The following NLGN1 variants were observed in gnomAD, a reference collection of about 807,000 sequenced individuals.
NLGN1 encodes neuroligin 1.
In NLGN1, 12 loss-of-function variants were observed where a neutral mutation model predicts 65.5. The ratio of observed to expected loss-of-function variants is 0.18; its 90% CI spans 0.12 to 0.30. NLGN1 has a LOEUF of 0.30. Among genes scored for constraint, NLGN1 ranks in the 10% least tolerant of loss-of-function variants. The pLI is 1.00. For synonymous variants in NLGN1, 350 were observed against 359.5 expected (o/e 0.97, Z 0.30); for missense variants, 750 against 1,007.1 (o/e 0.74, Z 3.46).
intron 4 of NLGN1, among the ~76,000 whole-genome samples, chr3:174,266,264 T>C (rs1423972592): frequency 6.6e-6 from 1 of 152,088 alleles, no homozygotes; most frequent in Non-Finnish European, 1.5e-5. Flanking sequence ...TGTGTCCATG[T>C]GTATTCAATA....
At chr3:174,265,281 C>T (rs4337647) in intron 4 of NLGN1, among the ~76,000 whole-genome samples, 7 of 150,768 alleles carry the variant, frequency 4.6e-5, no homozygotes, top group Admixed American at 6.6e-5. Context: ...CCCCCAGCCT[C>T]GCTGCCGCCT....
chr3:173,447,310 A>T (rs1185256635), intron 2 of NLGN1, among the ~76,000 whole-genome samples: 1 of 152,192 alleles, frequency 6.6e-6, no homozygotes, highest in Non-Finnish European at 1.5e-5. Context: ...AGCACCATTT[A>T]TTAAATAGGG....
chr3:173,501,343 T>C (rs1455938815), intron 2 of NLGN1, among the ~76,000 whole-genome samples: 1 of 152,088 alleles, frequency 6.6e-6, no homozygotes, highest in Non-Finnish European at 1.5e-5. Flanking sequence ...CTTACAAGTG[T>C]ATCTCAGAGT....
chr3:173,920,049 G>A (rs1013338609), intron 4 of NLGN1, among the ~76,000 whole-genome samples: 1 of 151,948 alleles, frequency 6.6e-6, no homozygotes, highest in East Asian at 1.9e-4. Context: ...GGTTGAGAGA[G>A]ACATTGAGAA....
At chr3:173,593,258 C>G (rs1260269203) in intron 2 of NLGN1, among the ~76,000 whole-genome samples, 1 of 152,056 alleles carries the variant, frequency 6.6e-6, no homozygotes, top group Non-Finnish European at 1.5e-5. Context: ...GGTACATGTG[C>G]AGATTTGTTA....
At chr3:174,019,278 G>A (rs1344582607) in intron 4 of NLGN1, among the ~76,000 whole-genome samples, 3 of 152,084 alleles carry the variant, frequency 2.0e-5, no homozygotes, top group South Asian at 4.1e-4. Context: ...TGGAGATGGG[G>A]CCTTTAAGAA....
At chr3:173,751,823 T>C (rs996308643) in intron 3 of NLGN1, among the ~76,000 whole-genome samples, 2 of 152,122 alleles carry the variant, frequency 1.3e-5, no homozygotes, top group African/African-American at 4.8e-5. Context: ...CTTATGCTAT[T>C]CCCACAATCA....
chr3:174,016,291 A>G (rs1030747412), intron 4 of NLGN1, among the ~76,000 whole-genome samples: 1 of 152,200 alleles, frequency 6.6e-6, no homozygotes, highest in African/African-American at 2.4e-5. Context: ...TCTAAAGCAA[A>G]AGAGACTGGA....
At chr3:173,680,531 G>T (rs1336035369) in intron 3 of NLGN1, among the ~76,000 whole-genome samples, 3 of 152,088 alleles carry the variant, frequency 2.0e-5, no homozygotes, top group Non-Finnish European at 4.4e-5. Context: ...TTGTTATCAA[G>T]GTGACAAGTT....
intron 4 of NLGN1, among the ~76,000 whole-genome samples, chr3:173,877,563 G>A (rs1252568278): frequency 2.0e-5 from 3 of 152,164 alleles, no homozygotes; most frequent in South Asian, 2.1e-4. Context: ...TTGTATCAGC[G>A]CTAACTTCTT....
chr3:173,984,867 C>T (rs943030485), intron 4 of NLGN1, among the ~76,000 whole-genome samples: 3 of 152,088 alleles, frequency 2.0e-5, no homozygotes, highest in Non-Finnish European at 4.4e-5. Context: ...TATGGTGAAA[C>T]CCTGTGTCTA....
At chr3:173,510,549 T>A (rs1400485847) in intron 2 of NLGN1, among the ~76,000 whole-genome samples, 3 of 152,238 alleles carry the variant, frequency 2.0e-5, no homozygotes, top group African/African-American at 7.2e-5. Context: ...AAAATTGTTT[T>A]ATTGCCCAGA....
intron 3 of NLGN1, among the ~76,000 whole-genome samples, chr3:173,679,193 TA>T (rs1420397149): frequency 6.7e-6 from 1 of 148,278 alleles, no homozygotes; most frequent in Non-Finnish European, 1.5e-5. Flanking sequence ...GAACAGCAAA[TA>T]GATTAGTTGA....
chr3:173,975,713 C>A (rs1717280595), intron 4 of NLGN1, among the ~76,000 whole-genome samples: 1 of 151,832 alleles, frequency 6.6e-6, no homozygotes, highest in Non-Finnish European at 1.5e-5. Flanking sequence ...CAAGAATGCC[C>A]AGATCTTCAC....
intron 2 of NLGN1, among the ~76,000 whole-genome samples, chr3:173,505,714 A>T (rs370548799): frequency 6.6e-5 from 10 of 152,240 alleles, no homozygotes; most frequent in South Asian, 4.1e-4. Context: ...CTTCCTGACC[A>T]TTCAGGATCT....
intron 2 of NLGN1, among the ~76,000 whole-genome samples, chr3:173,495,851 A>G (rs1729937029): frequency 6.6e-6 from 1 of 151,686 alleles, no homozygotes; most frequent in Non-Finnish European, 1.5e-5. Context: ...CTGTCTCTGT[A>G]CATGAAGTTT....
chr3:173,489,130 A>T (rs1025723993), intron 2 of NLGN1, among the ~76,000 whole-genome samples: 8 of 151,406 alleles, frequency 5.3e-5, no homozygotes, highest in African/African-American at 1.9e-4. Context: ...ACATGTGCAC[A>T]ATGTGCAGGT....
At chr3:174,092,518 T>TA (rs199785823) in intron 4 of NLGN1, among the ~76,000 whole-genome samples, 1,778 of 149,408 alleles carry the variant, frequency 0.012, 27 homozygotes, top group East Asian at 0.037. Context: ...TTGGCAATTA[T>TA]TAAAAAAAAA....
chr3:173,905,868 C>A (rs1738272030), intron 4 of NLGN1, among the ~76,000 whole-genome samples: 1 of 152,146 alleles, frequency 6.6e-6, no homozygotes, highest in Admixed American at 6.5e-5. Flanking sequence ...ATTTCATCAG[C>A]TTGTAGGTAG....
Sources: gnomAD v4.1 joint callset for allele counts (sites outside exome capture counted in the v4.1 genomes callset) on GRCh38, gnomAD v4.1.1 for gene constraint, MANE v1.5 for transcripts, NCBI Gene and HGNC (gene_info 2026-07-23, HGNC 2026-07-21) for gene names.